MYO5B: variants seen among roughly 807,000 people sequenced by gnomAD.
MYO5B encodes the protein unconventional myosin-Vb.
A neutral mutation model predicts 229.3 loss-of-function variants in MYO5B; 143 were observed. The observed-to-expected ratio is 0.62, with a 90% CI of 0.54 to 0.72. MYO5B has a LOEUF of 0.72. Among genes scored for constraint, MYO5B ranks in the 30% least tolerant of loss-of-function variants. MYO5B has a pLI of 0.00. For missense variants in MYO5B, 2,321 were observed against 2,331.0 expected, an observed-to-expected ratio of 1.00 and a Z score of 0.09; for synonymous variants, 918 against 885.2, an observed-to-expected ratio of 1.04 and a Z score of -0.66.
intron 25 of MYO5B, among the ~76,000 whole-genome samples, chr18:49,876,921 G>C (rs1234592466): frequency 6.6e-6 from 1 of 152,182 alleles, no homozygotes; most frequent in Non-Finnish European, 1.5e-5. Flanking sequence ...AGCAGGACCT[G>C]CAATCATATC....
At chr18:50,153,141 A>G (rs2032626076) in intron 1 of MYO5B, among the ~76,000 whole-genome samples, 1 of 152,186 alleles carries the variant, frequency 6.6e-6, no homozygotes, top group South Asian at 2.1e-4. Context: ...ACAATTAGTC[A>G]CCCAAGTTAA....
chr18:50,083,396 C>A (rs2031262836), intron 1 of MYO5B, among the ~76,000 whole-genome samples: 1 of 152,206 alleles, frequency 6.6e-6, no homozygotes, highest in Non-Finnish European at 1.5e-5. Flanking sequence ...ACCCTCTAAT[C>A]ATGCCTTGGT....
chr18:50,178,667 C>T (rs569038333), intron 1 of MYO5B, among the ~76,000 whole-genome samples: 3 of 152,304 alleles, frequency 2.0e-5, no homozygotes, highest in South Asian at 2.1e-4. Context: ...TCCAGGGCTT[C>T]GGGTATTATT....
intron 39 of MYO5B, among the ~76,000 whole-genome samples, chr18:49,830,145 CCA>C (rs57718809): frequency 8.0e-5 from 12 of 149,892 alleles, no homozygotes; most frequent in African/African-American, 1.2e-4. Flanking sequence ...CTGAAAGAAT[CCA>C]CACACACACA....
intron 4 of MYO5B, among the ~76,000 whole-genome samples, chr18:50,033,277 C>T (rs2026410359): frequency 1.3e-5 from 2 of 152,172 alleles, no homozygotes; most frequent in Non-Finnish European, 2.9e-5. Flanking sequence ...TGGTCCACTA[C>T]TCCACCCACC....
chr18:49,974,804 C>CACACAG lies in MYO5B; in HGVS notation c.1057-190_1057-189insCTGTGT, dbSNP rs1461614730. 1.5e-4 allele frequency among the ~76,000 whole-genome samples: 23 copies of CACACAG among 149,122 alleles called. No individual in the cohort carries two copies. The East Asian group carries it at 2.2e-3, about 14-fold the overall frequency. ...TCACACACACACACACACAGACACA[C>CACACAG]ACACACACACACACACACACACACT... On this transcript the variant is annotated intron_variant, in intron 9 of 39. Coordinates refer to ENST00000285039, the MANE Select transcript of MYO5B (RefSeq NM_001080467.3).
intron 1 of MYO5B, among the ~76,000 whole-genome samples, chr18:50,132,556 G>C (rs185072696): frequency 2.8e-3 from 426 of 152,282 alleles, no homozygotes; most frequent in Admixed American, 6.5e-3. Flanking sequence ...CATAGGCTGG[G>C]GAAGAAAATG....
intron 17 of MYO5B, among the ~76,000 whole-genome samples, chr18:49,917,594 G>GT (rs2144172786): frequency 6.6e-6 from 1 of 152,214 alleles, no homozygotes; most frequent in South Asian, 2.1e-4. Context: ...TCCCCACTCG[G>GT]TGTGACTCTG....
chr18:50,081,090 A>G (rs2144469713), intron 1 of MYO5B, among the ~76,000 whole-genome samples: 1 of 152,328 alleles, frequency 6.6e-6, no homozygotes, highest in African/African-American at 2.4e-5. Flanking sequence ...ACCTTCCAAG[A>G]AAGCATCTGC....
chr18:50,031,370 C>G (rs1390100392), intron 4 of MYO5B, among the ~76,000 whole-genome samples: 1 of 152,132 alleles, frequency 6.6e-6, no homozygotes, highest in Non-Finnish European at 1.5e-5. Context: ...GTCTTCATGA[C>G]CTTGGAGAAC....
intron 8 of MYO5B, among the ~76,000 whole-genome samples, chr18:49,984,247 G>A (rs1461737530): frequency 2.0e-5 from 3 of 152,222 alleles, no homozygotes; most frequent in Non-Finnish European, 4.4e-5. Flanking sequence ...TGGAAACAGA[G>A]CTGACAGAAT....
intron 1 of MYO5B, among the ~76,000 whole-genome samples, chr18:50,188,785 TAAAAAAAAAAA>T (rs4042094): frequency 6.1e-4 from 64 of 105,140 alleles, no homozygotes; most frequent in African/African-American, 1.5e-3. Flanking sequence ...GACTCTGTCA[TAAAAAAAAAAA>T]AAAAAAAAAA....
chr18:50,037,157 GC>G (rs1295270784), intron 3 of MYO5B, among the ~76,000 whole-genome samples, 163 bp from the exon 4 acceptor site: 1 of 151,722 alleles, frequency 6.6e-6, no homozygotes, highest in African/African-American at 2.4e-5. Flanking sequence ...TCATCTGTGT[GC>G]TTCAGATCTC....
In MYO5B at chr18:49,864,282, G is replaced by C; in HGVS notation, c.3702C>G (p.His1234Gln). ...GGAGGCTGTAGCTATCTGGGGAGCCGTGGCTGGAGTTATTCTGCGTGGCTT... is the reference window on the plus strand; with the variant it reads ...GGAGGCTGTAGCTATCTGGGGAGCCCTGGCTGGAGTTATTCTGCGTGGCTT... ...ADQATQNNSS[H>Q]GSPDSYSLLL... is the part of the protein sequence containing the mutation. Residue 1234 changes from histidine (H) to glutamine (Q), a missense_variant, in exon 28 of 40, where the codon CAC becomes CAG. Coordinates refer to ENST00000285039, the MANE Select transcript of MYO5B (RefSeq NM_001080467.3). The C allele has an allele frequency of 6.2e-7, 1 of 1,614,220 alleles. No homozygotes were observed. Among genetic ancestry groups the C allele is most frequent in the Non-Finnish European group, 8.5e-7 (1 of 1,180,050 alleles).
At chr18:49,857,613 C>T (rs966186843) in intron 29 of MYO5B, among the ~76,000 whole-genome samples, 31 of 152,234 alleles carry the variant, frequency 2.0e-4, no homozygotes, top group Admixed American at 3.9e-4. Context: ...TGATGTCTCC[C>T]CTTGACCTTG....
chr18:49,915,425 G>A (rs1231173601), intron 17 of MYO5B, among the ~76,000 whole-genome samples: 1 of 152,228 alleles, frequency 6.6e-6, no homozygotes, highest in East Asian at 1.9e-4. Flanking sequence ...CAGAGCTCAT[G>A]AGTCTTTACA....
At chr18:49,841,514 T>A in intron 34 of MYO5B, 60 bp from the exon 35 acceptor site, 1 of 1,422,742 alleles carries the variant, frequency 7.0e-7, no homozygotes, top group Admixed American at 1.7e-5. Context: ...AAATGCTTCC[T>A]CGGTACCTCT....
chr18:49,883,762 C>A (rs2024614316), intron 22 of MYO5B, among the ~76,000 whole-genome samples: 1 of 152,156 alleles, frequency 6.6e-6, no homozygotes, highest in Admixed American at 6.5e-5. Context: ...CAGCGTGATA[C>A]TGGCATAAAG....
chr18:49,881,626 T>C (rs1217642), intron 22 of MYO5B, among the ~76,000 whole-genome samples: 91,183 of 151,438 alleles, frequency 0.6, 27,467 homozygotes, highest in Middle Eastern at 0.67. Flanking sequence ...CACGGTGAAA[T>C]CCCATCTCTA....
Sources: gnomAD v4.1 joint callset for allele counts (sites outside exome capture counted in the v4.1 genomes callset) on GRCh38, gnomAD v4.1.1 for gene constraint, MANE v1.5 for transcripts, NCBI Gene and HGNC (gene_info 2026-07-23, HGNC 2026-07-21) for gene names.